Variants in LYRM4 observed in about 807,000 individuals in gnomAD.
The protein encoded by LYRM4 is LYR motif-containing protein 4.
LYRM4 carries 9 observed loss-of-function variants against 11.7 expected under a neutral mutation model. The ratio of observed to expected loss-of-function variants is 0.77; its 90% CI spans 0.46 to 1.34. The LOEUF (loss-of-function observed/expected upper bound fraction) is 1.34. Ranked by LOEUF, LYRM4 falls within the 40% of genes most tolerant of loss-of-function variation. The pLI, the probability that LYRM4 is intolerant of heterozygous loss-of-function variation, is 0.00. For missense variants in LYRM4, 133 were observed against 112.5 expected (o/e 1.18, Z -0.82); for synonymous variants, 42 against 40.4 (o/e 1.04, Z -0.15).
downstream of LYRM4, among the ~76,000 whole-genome samples, chr6:5,098,708 G>A (rs1339064714): frequency 2.0e-5 from 3 of 152,176 alleles, no homozygotes; most frequent in Admixed American, 6.5e-5. Flanking sequence ...ACGTCCACGC[G>A]CCTCATCTTA....
intron 2 of LYRM4, among the ~76,000 whole-genome samples, chr6:5,110,456 G>T (rs182525466): frequency 4.6e-5 from 7 of 152,178 alleles, no homozygotes; most frequent in Admixed American, 3.3e-4. Flanking sequence ...CCGCCGCGCC[G>T]TCCATCTGAG....
chr6:5,260,621 C>A (rs767583917), intron 1 of LYRM4, 27 bp downstream of exon 1: 21 of 1,516,924 alleles, frequency 1.4e-5, no homozygotes, highest in Admixed American at 2.1e-5. Context: ...GCCCCCCGCC[C>A]CCGGCCCCCG....
chr6:5,248,636 A>C (rs977819959), intron 1 of LYRM4, among the ~76,000 whole-genome samples: 1 of 152,168 alleles, frequency 6.6e-6, no homozygotes, highest in Admixed American at 6.5e-5. Context: ...GCTAGTCCCT[A>C]CTAGCCCTTC....
At chr6:5,050,460 C>T in the LYRM4 span, among the ~76,000 whole-genome samples, 3 of 152,226 alleles carry the variant, frequency 2.0e-5, no homozygotes, top group Non-Finnish European at 4.4e-5. Flanking sequence ...TTTTACAATC[C>T]TCATCTCTTT....
intron 2 of LYRM4, among the ~76,000 whole-genome samples, chr6:5,206,310 G>A (rs1034539561): frequency 6.6e-6 from 1 of 152,226 alleles, no homozygotes. Context: ...GCCAGCCAGT[G>A]GGGGGTGGGA....
chr6:5,192,177 C>T (rs1188184579), intron 2 of LYRM4, among the ~76,000 whole-genome samples: 1 of 152,142 alleles, frequency 6.6e-6, no homozygotes, highest in Non-Finnish European at 1.5e-5. Context: ...GTTTGTGTTT[C>T]CTCTGCTGAG....
chr6:5,173,975 G>T (rs2127670040), intron 2 of LYRM4, among the ~76,000 whole-genome samples: 1 of 152,310 alleles, frequency 6.6e-6, no homozygotes, highest in Admixed American at 6.5e-5. Context: ...GGGGGGCTTT[G>T]TTTCGAGGCC....
the LYRM4 span, among the ~76,000 whole-genome samples, chr6:5,069,482 A>ATT: frequency 1.4e-5 from 2 of 145,692 alleles, no homozygotes; most frequent in African/African-American, 5.0e-5. Context: ...ATATATATAT[A>ATT]TTTTTTTGTT....
At chr6:5,233,134 T>A (rs958150724) in intron 1 of LYRM4, among the ~76,000 whole-genome samples, 1 of 152,186 alleles carries the variant, frequency 6.6e-6, no homozygotes, top group Non-Finnish European at 1.5e-5. Flanking sequence ...GCCTTCTCTC[T>A]GAAGACGCCC....
chr6:5,109,630 G>T, intron 2 of LYRM4, 139 bp from the exon 3 acceptor site: 1 of 767,704 alleles, frequency 1.3e-6, no homozygotes, highest in Non-Finnish European at 2.2e-6. Flanking sequence ...TGCACTGCGG[G>T]GCAAAGCCGG....
intron 2 of LYRM4, among the ~76,000 whole-genome samples, chr6:5,144,625 A>C (rs1485321525): frequency 1.9e-5 from 1 of 52,870 alleles, no homozygotes; most frequent in African/African-American, 1.3e-4. Context: ...ACTCCGTCTC[A>C]AAAAAAAAAA....
chr6:5,135,902 A>G (rs1267760641), intron 2 of LYRM4, among the ~76,000 whole-genome samples: 1 of 152,196 alleles, frequency 6.6e-6, no homozygotes, highest in East Asian at 1.9e-4. Flanking sequence ...GCCATTAAAC[A>G]CTAACTCTCC....
At chr6:5,134,730 T>G (rs1042351105) in intron 2 of LYRM4, among the ~76,000 whole-genome samples, 7 of 152,226 alleles carry the variant, frequency 4.6e-5, no homozygotes, top group Non-Finnish European at 8.8e-5. Context: ...ATTTGACAAT[T>G]CTACATACTT....
chr6:5,048,654 T>G, the LYRM4 span, among the ~76,000 whole-genome samples: 2 of 152,184 alleles, frequency 1.3e-5, no homozygotes, highest in Admixed American at 6.5e-5. Flanking sequence ...TTTCCATTAA[T>G]GCATTCTATG....
intron 1 of LYRM4, among the ~76,000 whole-genome samples, chr6:5,258,139 T>C (rs1764770764): frequency 6.6e-6 from 1 of 152,174 alleles, no homozygotes; most frequent in Non-Finnish European, 1.5e-5. Flanking sequence ...CAACTGATGA[T>C]GACAGAGGAC....
intron 2 of LYRM4, among the ~76,000 whole-genome samples, chr6:5,148,476 GGGC>G: frequency 6.8e-6 from 1 of 146,166 alleles, no homozygotes; most frequent in Non-Finnish European, 1.6e-5. Context: ...TGGGCTGAGG[GGGC>G]AGAGTTAGAA....
chr6:5,168,030 T>A (rs1581423008), intron 2 of LYRM4, among the ~76,000 whole-genome samples: 1 of 151,154 alleles, frequency 6.6e-6, no homozygotes, highest in Admixed American at 6.6e-5. Flanking sequence ...TGGGACAATG[T>A]GAACATCAAA....
At chr6:5,210,701 T>A (rs1463304406) in intron 2 of LYRM4, among the ~76,000 whole-genome samples, 1 of 152,180 alleles carries the variant, frequency 6.6e-6, no homozygotes, top group Non-Finnish European at 1.5e-5. Context: ...CTGTTATTCA[T>A]CATTCTACTT....
chr6:5,105,238 CTG>C (rs1406935159), downstream of LYRM4: 2 of 152,420 alleles, frequency 1.3e-5, no homozygotes, highest in East Asian at 3.9e-4. Context: ...CTAGGGGACT[CTG>C]TGGACTTTCT....
Sources: allele counts gnomAD v4.1 joint callset (sites outside exome capture counted in the v4.1 genomes callset), GRCh38; gene constraint gnomAD v4.1.1; transcripts MANE v1.5; gene names NCBI Gene and HGNC (gene_info 2026-07-23, HGNC 2026-07-21).